Variants in C19orf47 observed in about 807,000 individuals in gnomAD.
C19orf47 encodes uncharacterized protein C19orf47.
In C19orf47, 18 loss-of-function variants were observed where a neutral mutation model predicts 32.3. That is an observed-to-expected ratio of 0.56 (90% CI 0.39 to 0.83). C19orf47 has a LOEUF of 0.83. Ranked by LOEUF, C19orf47 falls within the 40% of genes least tolerant of loss-of-function variation. The pLI is 0.00. For synonymous variants in C19orf47, 202 were observed against 211.1 expected (o/e 0.96, Z 0.37); for missense variants, 484 against 531.6 (o/e 0.91, Z 0.88).
At chr19:40,332,317 C>T (rs562936314) in intron 5 of C19orf47, among the ~76,000 whole-genome samples, 23 of 151,494 alleles carry the variant, frequency 1.5e-4, no homozygotes, top group African/African-American at 4.4e-4. Flanking sequence ...AGCGTGCCAT[C>T]GCACTCCAAC....
At position 40,336,425 on chromosome 19, in the gene C19orf47, G is replaced by A. The variant is rs763208012; in HGVS notation, c.20-18C>T. On this transcript the variant is annotated intron_variant, in intron 2 of 8. Coordinates refer to ENST00000683109, the MANE Select transcript of C19orf47 (RefSeq NM_001256441.2). ...GGAAGTGGCTGTGGGGTTGGACAGG[G>A]CTCATTACTCACACTGTCCTCTTTA... is the stretch of plus-strand genomic sequence containing the variant. The A allele has an allele frequency of 1.4e-5, 22 of 1,603,152 alleles. No individual in the cohort carries two copies. In the East Asian group the frequency reaches 3.8e-4, roughly 28 times the overall value.
At position 40,328,486 on chromosome 19, in the gene C19orf47, G is replaced by A; in HGVS notation, c.366C>T (p.Arg122=). Residue 122 remains arginine (R), a synonymous_variant, in exon 6 of 9, where the codon CGC becomes CGT. Coordinates refer to ENST00000683109, the MANE Select transcript of C19orf47 (RefSeq NM_001256441.2). ...HDSPPSTPPR[R]PDTSTSKISV... ...AGATCTTGGAGGTGCTGGTGTCCGG[G>A]CGCCTGGGGGGTGTGCTGGGTGGAG... 6.2e-7 allele frequency: 1 copy of A among 1,612,278 alleles called. No homozygotes were observed. Among genetic ancestry groups the A allele is most frequent in the South Asian group, 1.1e-5 (1 of 90,810 alleles).
At chr19:40,326,250 G>A (rs1028848724) in intron 7 of C19orf47, 84 bp downstream of exon 7, 32 of 1,554,978 alleles carry the variant, frequency 2.1e-5, no homozygotes, top group Admixed American at 7.2e-5. Context: ...CTCAGCCACC[G>A]TCTGTAGGAT....
the C19orf47 span, among the ~76,000 whole-genome samples, chr19:40,312,814 A>C: frequency 6.6e-6 from 1 of 152,226 alleles, no homozygotes; most frequent in African/African-American, 2.4e-5. Flanking sequence ...AATTAAGTCC[A>C]GTCAACCCCT....
chr19:40,302,115 C>T, the C19orf47 span, among the ~76,000 whole-genome samples: 1 of 152,038 alleles, frequency 6.6e-6, no homozygotes, highest in Non-Finnish European at 1.5e-5. Context: ...GAGCCAAGAA[C>T]GTGCCACTGC....
intron 2 of C19orf47, 61 bp downstream of exon 2, chr19:40,341,778 G>C (rs1284293112): frequency 1.3e-6 from 2 of 1,534,210 alleles, no homozygotes; most frequent in East Asian, 4.9e-5. Context: ...CCCCCACCAA[G>C]GCCATACCTC....
chr19:40,333,274 A>T lies in C19orf47; in HGVS notation c.301+577T>A, dbSNP rs200727788. 8.2e-3 allele frequency among the ~76,000 whole-genome samples: 1,177 copies of T among 142,846 alleles called. 7 individuals are homozygous for T. Among genetic ancestry groups the T allele is most frequent in the African/African-American group, 0.029 (1,113 of 38,412 alleles). 93.7% of individuals were successfully genotyped at this position (142,846 alleles called of 152,430 possible). ...ATCTCAAAATAAATAAATAAATAAG[A>T]AAATAAATAAATAAATAAATAAATA... On this transcript the variant is annotated intron_variant, in intron 5 of 8. Coordinates refer to ENST00000683109, the MANE Select transcript of C19orf47 (RefSeq NM_001256441.2).
chr19:40,311,517 G>A, the C19orf47 span, among the ~76,000 whole-genome samples: 3 of 151,912 alleles, frequency 2.0e-5, no homozygotes, highest in East Asian at 5.8e-4. Flanking sequence ...AGTCTAGCCT[G>A]GGCGACAGAG....
chr19:40,334,716 C>T (rs1344456997), intron 4 of C19orf47: 1 of 152,080 alleles, frequency 6.6e-6, no homozygotes, highest in Non-Finnish European at 1.5e-5. Context: ...CCACTACACT[C>T]CAGCCTGGCA....
chr19:40,340,328 C>T (rs1025297539), intron 2 of C19orf47, among the ~76,000 whole-genome samples: 1 of 152,116 alleles, frequency 6.6e-6, no homozygotes, highest in Non-Finnish European at 1.5e-5. Flanking sequence ...CCAGAGGCAA[C>T]CACCACCTTC....
At chr19:40,296,672 G>A in the C19orf47 span, among the ~76,000 whole-genome samples, 1 of 152,090 alleles carries the variant, frequency 6.6e-6, no homozygotes, top group East Asian at 1.9e-4. Context: ...CCAGCACTTC[G>A]GGAGGCTGAG....
At chr19:40,338,322 AAT>A (rs902873946) in intron 2 of C19orf47, among the ~76,000 whole-genome samples, 1 of 146,082 alleles carries the variant, frequency 6.8e-6, no homozygotes, top group Non-Finnish European at 1.5e-5. Context: ...TATATACACA[AAT>A]ATATATATAC....
intron 6 of C19orf47, among the ~76,000 whole-genome samples, chr19:40,328,206 G>A (rs2077872927): frequency 1.3e-5 from 2 of 152,066 alleles, no homozygotes; most frequent in African/African-American, 2.4e-5. Flanking sequence ...GTGGGGTATC[G>A]CCACCCCCCA....
downstream of C19orf47, among the ~76,000 whole-genome samples, chr19:40,317,065 T>G (rs960362777): frequency 6.6e-6 from 1 of 152,180 alleles, no homozygotes; most frequent in Non-Finnish European, 1.5e-5. Context: ...TACTTTTCAC[T>G]GTAGAGACTT....
the C19orf47 span, among the ~76,000 whole-genome samples, chr19:40,303,803 GAAAAAAAAAAA>G: frequency 1.5e-4 from 7 of 45,336 alleles, no homozygotes; most frequent in African/African-American, 3.0e-4. Context: ...GACTTTGTCT[GAAAAAAAAAAA>G]AAAAAAAAAA....
chr19:40,306,213 G>A, the C19orf47 span, among the ~76,000 whole-genome samples: 2 of 144,760 alleles, frequency 1.4e-5, no homozygotes, highest in African/African-American at 2.6e-5. Flanking sequence ...CTACACACAA[G>A]TGTCCTGAGG....
intron 5 of C19orf47, among the ~76,000 whole-genome samples, chr19:40,331,567 C>CT (rs1400106878): frequency 2.0e-5 from 3 of 151,040 alleles, no homozygotes; most frequent in Non-Finnish European, 4.4e-5. Flanking sequence ...GAGCCCAGGA[C>CT]TTTGAGGCTA....
chr19:40,302,065 G>A, the C19orf47 span, among the ~76,000 whole-genome samples: 1 of 151,868 alleles, frequency 6.6e-6, no homozygotes, highest in South Asian at 2.1e-4. Context: ...GGAGGCTAAG[G>A]CAGGAGAATC....
chr19:40,324,193 C>T, intron 7 of C19orf47, 117 bp from the exon 8 acceptor site: 1 of 995,802 alleles, frequency 1.0e-6, no homozygotes, highest in Non-Finnish European at 1.6e-6. Context: ...CAGGGCCAGA[C>T]TGTGCTGAGT....
Sources: gnomAD v4.1 joint callset for allele counts (sites outside exome capture counted in the v4.1 genomes callset) on GRCh38, gnomAD v4.1.1 for gene constraint, MANE v1.5 for transcripts, NCBI Gene and HGNC (gene_info 2026-07-23, HGNC 2026-07-21) for gene names.